The following ANPEP variants were observed in gnomAD, a reference collection of about 807,000 sequenced individuals.
ANPEP encodes the protein aminopeptidase N.
A neutral mutation model predicts 114.6 loss-of-function variants in ANPEP; 70 were observed. The ratio of observed to expected loss-of-function variants is 0.61; its 90% CI spans 0.50 to 0.75. ANPEP has a LOEUF of 0.75. Ranked by LOEUF, ANPEP falls within the 30% of genes least tolerant of loss-of-function variation. The probability of loss-of-function intolerance (pLI) is 0.00; values close to 1 mark genes in which losing one functional copy is unlikely to be tolerated. For synonymous variants in ANPEP, 548 were observed against 522.3 expected (o/e 1.05, Z -0.67); for missense variants, 1,184 against 1,259.5 (o/e 0.94, Z 0.91).
chr15:89,813,194 C>T (rs1188233341), intron 1 of ANPEP, among the ~76,000 whole-genome samples: 2 of 152,290 alleles, frequency 1.3e-5, no homozygotes, highest in East Asian at 3.9e-4. Flanking sequence ...CCAGGAGCCC[C>T]AGCATAGGGT....
chr15:89,805,525 A>T, intron 2 of ANPEP, 62 bp from the exon 3 acceptor site: 2 of 1,595,616 alleles, frequency 1.3e-6, no homozygotes, highest in South Asian at 2.2e-5. Context: ...GGCTCTGAGG[A>T]TGCTACCAGG....
At chr15:89,812,407 C>T (rs370600004) in intron 1 of ANPEP, among the ~76,000 whole-genome samples, 7 of 152,360 alleles carry the variant, frequency 4.6e-5, no homozygotes, top group African/African-American at 1.7e-4. Context: ...TTCTCCCAGG[C>T]TTCTGAGGCC....
chr15:89,794,660 T>C lies in ANPEP; in HGVS notation c.2158-1534A>G, dbSNP rs544182842. 1.1e-3 allele frequency among the ~76,000 whole-genome samples: 158 copies of C among 147,544 alleles called. 4 individuals are homozygous for C. In the South Asian group the frequency reaches 0.032, roughly 30 times the overall value. On this transcript the variant is annotated intron_variant, in intron 15 of 20. Transcript: ENST00000300060. ...GAGGGCAGCACCCCTCACCACCCCA[T>C]GAGAGAGATTGAACCAGGGGGCTCA...
At chr15:89,808,195 G>C (rs1284185556) in intron 1 of ANPEP, among the ~76,000 whole-genome samples, 1 of 152,130 alleles carries the variant, frequency 6.6e-6, no homozygotes, top group Non-Finnish European at 1.5e-5. Flanking sequence ...TCAAGCCCCA[G>C]GGCCTTGGCA....
rs1390787397 is a variant in ANPEP at position 89,806,866 on chromosome 15, G to A, written c.-223-60C>T. 7.2e-6 allele frequency: 3 copies of A among 414,066 alleles called. No homozygotes were observed. Among genetic ancestry groups the A allele is most frequent in the Non-Finnish European group, 1.3e-5 (3 of 228,182 alleles). The allele number at this position is 414,066 out of a possible 1,614,324, so 25.6% of individuals were successfully genotyped here. A position where few individuals can be genotyped will look rare whatever the true frequency, so the allele number is the denominator to read the frequency against. On this transcript the variant is annotated intron_variant, in intron 1 of 20. Transcript: ENST00000300060. The surrounding 1 kb of genome is among the most constrained non-coding windows in gnomAD (Gnocchi z 5.7). ...CAGGCGGCCTGGGATCAGGCCCGAG[G>A]GCTGAAGGGCAGGCTTCCGGCTGTA...
At position 89,805,321 on chromosome 15, in the gene ANPEP, C is replaced by T. The variant is rs749978971; in HGVS notation, c.757G>A (p.Gly253Ser). The T allele has an allele frequency of 2.5e-6, 4 of 1,613,834 alleles. No homozygotes were observed. The highest frequency in any genetic ancestry group is 3.3e-5 in the Admixed American group (2 of 59,962). Residue 253 changes from glycine to serine, a missense_variant and splice_region_variant, in exon 3 of 21, where the codon GGT (glycine) becomes AGT (serine). Physicochemically the swap from Gly to Ser is moderately conservative, Grantham distance 56. Transcript: ENST00000300060. ...LTALSNMLPK[G>S]PSTPLPEDPN... ...GTGGCCGCAGGCAGGGCCCACTCAC[C>T]TTTGGGAAGCATGTTGGACAGGGCT...
chr15:89,787,313 G>A (rs1968526062), intron 20 of ANPEP, among the ~76,000 whole-genome samples: 2 of 152,080 alleles, frequency 1.3e-5, no homozygotes, highest in African/African-American at 2.4e-5. Flanking sequence ...CCAAAGTGCT[G>A]GGATTACAGG....
intron 16 of ANPEP, 120 bp downstream of exon 16, chr15:89,792,915 G>C (rs550759110): frequency 1.1e-6 from 1 of 881,422 alleles, no homozygotes; most frequent in East Asian, 2.4e-5. Context: ...CTCCTGGGTG[G>C]GGGTCTCTCC....
chr15:89,797,712 C>A lies in ANPEP; in HGVS notation c.2020G>T (p.Val674Phe). ...TTGTTCAGCGCCAGAGTGACAGGGA[C>A]CTTATGGGCACTGGGAATAAACAGA... Reference protein sequence around the residue: ...DAFNLASAHKVPVTLALNNTL... With the variant: ...DAFNLASAHKFPVTLALNNTL... The change falls in exon 15 of 21, where the codon GTC becomes TTC. Residue 674 changes from valine to phenylalanine, a missense_variant. Transcript: ENST00000300060. The A allele has an allele frequency of 1.2e-6, 2 of 1,614,086 alleles. No individual in the cohort carries two copies. The highest frequency in any genetic ancestry group is 1.7e-6 in the Non-Finnish European group (2 of 1,180,022).
chr15:89,785,296 T>C lies in ANPEP; in HGVS notation c.*53A>G. 6.8e-6 allele frequency: 11 copies of C among 1,607,572 alleles called. No homozygotes were observed. The highest frequency in any genetic ancestry group is 9.4e-6 in the Non-Finnish European group (11 of 1,174,988). Reference sequence around the variant, plus strand: ...GGAGGCCCTGCACCAGCCGCTGGGATGGACACATGTGGGCACCTTGCATGG... The same window carrying C: ...GGAGGCCCTGCACCAGCCGCTGGGACGGACACATGTGGGCACCTTGCATGG... On this transcript the variant is annotated 3_prime_UTR_variant, in exon 21 of 21. Coordinates refer to ENST00000300060, the MANE Select transcript of ANPEP (RefSeq NM_001150.3).
Position 89,799,581 on chromosome 15 carries a change from G to A in ANPEP, c.1820-22C>T, listed in dbSNP as rs761434715. On this transcript the variant is annotated intron_variant, in intron 12 of 20. Coordinates refer to ENST00000300060, the MANE Select transcript of ANPEP (RefSeq NM_001150.3). The surrounding 1 kb of genome is among the most constrained non-coding windows in gnomAD (Gnocchi z 4.2). ...TGGGCTGTGGAGAGGGACGAGACCT[G>A]GGCAGGGCTGCTCAGAGGCCATGGG... The A allele has an allele frequency of 3.1e-6, 5 of 1,614,060 alleles. No individual in the cohort carries two copies. Among genetic ancestry groups the A allele is most frequent in the Non-Finnish European group, 4.2e-6 (5 of 1,180,014 alleles).
rs1277867885 is a variant in ANPEP at position 89,799,747 on chromosome 15, A to G, written c.1820-188T>C. 6.6e-6 allele frequency among the ~76,000 whole-genome samples: 1 copy of G among 152,178 alleles called. No homozygotes were observed. Among genetic ancestry groups the G allele is most frequent in the Non-Finnish European group, 1.5e-5 (1 of 68,028 alleles). On this transcript the variant is annotated intron_variant, in intron 12 of 20. Coordinates refer to ENST00000300060, the MANE Select transcript of ANPEP (RefSeq NM_001150.3). The surrounding 1 kb of genome is among the most constrained non-coding windows in gnomAD (Gnocchi z 4.2). ...CAGTGGCTTCACAGACCATCAACCC[A>G]TGAAGATGACATGCCACCCCAAACC...
chr15:89,785,275 G>T lies in ANPEP; in HGVS notation c.*74C>A. ...GGTGCCTCGGGCTCCAGGAATGGAGGCCCTGCACCAGCCGCTGGGATGGAC... is the reference window on the plus strand; with the variant it reads ...GGTGCCTCGGGCTCCAGGAATGGAGTCCCTGCACCAGCCGCTGGGATGGAC... On this transcript the variant is annotated 3_prime_UTR_variant, in exon 21 of 21. Transcript: ENST00000300060. 1.3e-6 allele frequency: 2 copies of T among 1,578,306 alleles called. No homozygotes were observed. Among genetic ancestry groups the T allele is most frequent in the East Asian group, 2.2e-5 (1 of 44,502 alleles).
At chr15:89,807,592 C>T (rs985636242) in intron 1 of ANPEP, among the ~76,000 whole-genome samples, 2 of 152,102 alleles carry the variant, frequency 1.3e-5, no homozygotes, top group African/African-American at 4.8e-5. Context: ...ATCCCAGCTA[C>T]TTGGGAGGCT....
At chr15:89,787,773 C>G (rs544425659) in intron 20 of ANPEP, among the ~76,000 whole-genome samples, 2 of 152,266 alleles carry the variant, frequency 1.3e-5, no homozygotes, top group East Asian at 3.9e-4. Flanking sequence ...TAAGGACAAC[C>G]TAGGCAACAT....
At chr15:89,801,350 CAGG>C (rs1407156059) in intron 11 of ANPEP, 82 bp downstream of exon 11, 7 of 1,564,212 alleles carry the variant, frequency 4.5e-6, no homozygotes, top group African/African-American at 1.3e-5. Flanking sequence ...GCTGGGACCA[CAGG>C]AGGCCAGTCC....
In ANPEP at chr15:89,803,855, C is replaced by G. The variant is rs200114715; in HGVS notation, c.1293+34G>C. 2 of 1,613,580 alleles carry G rather than the reference C, an allele frequency of 1.2e-6. No individual in the cohort carries two copies. Among genetic ancestry groups the G allele is most frequent in the Non-Finnish European group, 1.7e-6 (2 of 1,179,640 alleles). On this transcript the variant is annotated intron_variant, in intron 7 of 20. Coordinates refer to ENST00000300060, the MANE Select transcript of ANPEP (RefSeq NM_001150.3). This position sits in a 1 kb window ranked among gnomAD's most constrained non-coding sequence, Gnocchi z 4.2. Reference sequence around the variant, plus strand: ...GCGGTGGCCCAGGTCTCCCTCCATGCCCCCCGCACCAGACCCCTGGGCAGC... The same window carrying G: ...GCGGTGGCCCAGGTCTCCCTCCATGGCCCCCGCACCAGACCCCTGGGCAGC...
intron 15 of ANPEP, among the ~76,000 whole-genome samples, chr15:89,793,792 G>A (rs760376818): frequency 6.6e-6 from 1 of 151,694 alleles, no homozygotes; most frequent in Non-Finnish European, 1.5e-5. Context: ...ACACACCCAG[G>A]AGCTCACCAA....
At position 89,805,270 on chromosome 15, in the gene ANPEP, G is replaced by A. The variant is rs1894685966; in HGVS notation, c.757+51C>T. Reference sequence around the variant, plus strand: ...ACGTACCCTCCTGCCCCACACCCCAGCCCAGGGTGCCTGCCCCCTGGCCCT... The same window carrying A: ...ACGTACCCTCCTGCCCCACACCCCAACCCAGGGTGCCTGCCCCCTGGCCCT... On this transcript the variant is annotated intron_variant, in intron 3 of 20. Coordinates refer to ENST00000300060, the MANE Select transcript of ANPEP (RefSeq NM_001150.3). 3.1e-6 allele frequency: 5 copies of A among 1,612,966 alleles called. No individual in the cohort carries two copies. In the African/African-American group the frequency reaches 5.3e-5, roughly 17 times the overall value.
Sources: allele counts gnomAD v4.1 joint callset (sites outside exome capture counted in the v4.1 genomes callset), GRCh38; gene constraint gnomAD v4.1.1; non-coding constraint Gnocchi (gnomAD v3.1); transcripts MANE v1.5; gene names NCBI Gene and HGNC (gene_info 2026-07-23, HGNC 2026-07-21).